The following TBC1D19 variants were observed in gnomAD, a reference collection of about 807,000 sequenced individuals.
TBC1D19 encodes TBC1 domain family member 19.
TBC1D19 carries 60 observed loss-of-function variants against 89.0 expected under a neutral mutation model. That is an observed-to-expected ratio of 0.67 (90% CI 0.55 to 0.84). The LOEUF is 0.84. Ranked by LOEUF, TBC1D19 falls within the 40% of genes least tolerant of loss-of-function variation. TBC1D19 has a pLI of 0.00. For synonymous variants in TBC1D19, 189 were observed against 199.7 expected (o/e 0.95, Z 0.45); for missense variants, 500 against 610.8 (o/e 0.82, Z 1.91).
At chr4:26,852,599 A>C in the TBC1D19 span, among the ~76,000 whole-genome samples, 1 of 152,012 alleles carries the variant, frequency 6.6e-6, no homozygotes, top group Admixed American at 6.6e-5. Context: ...CTACCTTCAG[A>C]ATTTACCAAG....
chr4:26,602,444 T>C (rs1329789760), intron 1 of TBC1D19, among the ~76,000 whole-genome samples: 1 of 138,610 alleles, frequency 7.2e-6, no homozygotes, highest in Non-Finnish European at 1.6e-5. Flanking sequence ...TCTTTTTTTT[T>C]TTTTTTTTTT....
At chr4:26,624,108 G>A (rs1742238338) in intron 4 of TBC1D19, among the ~76,000 whole-genome samples, 1 of 152,002 alleles carries the variant, frequency 6.6e-6, no homozygotes, top group African/African-American at 2.4e-5. Flanking sequence ...TCTTATAACT[G>A]TCCTATGTGC....
chr4:26,829,350 G>A, the TBC1D19 span, among the ~76,000 whole-genome samples: 1 of 152,166 alleles, frequency 6.6e-6, no homozygotes, highest in Non-Finnish European at 1.5e-5. Flanking sequence ...ACACATTTCA[G>A]ATTTAGAAGG....
At chr4:26,757,584 G>T (rs1272178268), downstream of TBC1D19, among the ~76,000 whole-genome samples, 3 of 152,164 alleles carry the variant, frequency 2.0e-5, no homozygotes, top group African/African-American at 7.2e-5. Context: ...TAATGGTTTT[G>T]TTGAGAATGC....
In TBC1D19 at chr4:26,748,460, G is replaced by A. The variant is rs1180771796; in HGVS notation, c.1369G>A (p.Ala457Thr). 1 of 1,613,868 alleles carries A rather than the reference G, an allele frequency of 6.2e-7. No homozygotes were observed. ...WMVRAFSGYLATDQLLLLWDR... is the reference protein window; with the variant it reads ...WMVRAFSGYLTTDQLLLLWDR... The stretch of plus-strand genomic sequence containing the variant: ...GGTTCGAGCTTTCTCTGGATACTTA[G>A]CTACAGATCAGCTCTTGCTTTTATG... Residue 457 changes from alanine (A) to threonine (T), a missense_variant, in exon 19 of 21, where the codon GCT becomes ACT. By Grantham distance (58) the Ala-to-Thr change is moderately conservative. Coordinates refer to ENST00000264866, the MANE Select transcript of TBC1D19 (RefSeq NM_018317.4).
chr4:26,607,766 G>C (rs1741103878), intron 1 of TBC1D19, among the ~76,000 whole-genome samples: 1 of 152,200 alleles, frequency 6.6e-6, no homozygotes, highest in African/African-American at 2.4e-5. Context: ...GGTGATCCCA[G>C]AATAGAACCT....
chr4:26,788,729 C>T, the TBC1D19 span, among the ~76,000 whole-genome samples: 1 of 152,170 alleles, frequency 6.6e-6, no homozygotes, highest in Non-Finnish European at 1.5e-5. Context: ...GTGCCACCAG[C>T]CCCTTCCCTC....
chr4:26,693,140 A>C (rs934670400), intron 13 of TBC1D19, among the ~76,000 whole-genome samples: 1 of 127,864 alleles, frequency 7.8e-6, no homozygotes, highest in Admixed American at 7.9e-5. Flanking sequence ...AAAAAAAAAA[A>C]CCCTGCTAAA....
At chr4:26,600,596 C>T (rs1740524312) in intron 1 of TBC1D19, among the ~76,000 whole-genome samples, 2 of 152,212 alleles carry the variant, frequency 1.3e-5, no homozygotes, top group South Asian at 4.2e-4. Flanking sequence ...TACTTTCAGG[C>T]ATAGAGTATA....
intron 10 of TBC1D19, 65 bp from the exon 11 acceptor site, chr4:26,673,711 G>A: frequency 5.0e-6 from 5 of 1,003,784 alleles, no homozygotes; most frequent in Non-Finnish European, 7.8e-6. Flanking sequence ...ATTTATAATT[G>A]AAGATTTCAG....
chr4:26,584,233 C>T lies in TBC1D19; in HGVS notation c.40C>T (p.Gln14Ter). The T allele has an allele frequency of 6.2e-7, 1 of 1,612,990 alleles. No individual in the cohort carries two copies. Among genetic ancestry groups the T allele is most frequent in the South Asian group, 1.1e-5 (1 of 90,516 alleles). The change falls in exon 1 of 21, where the codon CAG (glutamine) becomes TAG (stop). Residue 14 changes from glutamine (Q) to a stop codon, truncating the protein, a stop_gained. Coordinates refer to ENST00000264866, the MANE Select transcript of TBC1D19 (RefSeq NM_018317.4). LOFTEE classifies it high-confidence loss of function. Reference sequence around the variant, plus strand: ...GTCGGACCTCTCTCTCATTATTGCCCAGATAGTCCAAAAGCTCAAGGGCTC... The same window carrying T: ...GTCGGACCTCTCTCTCATTATTGCCTAGATAGTCCAAAAGCTCAAGGGCTC... ...EESDLSLIIA[Q>*]IVQKLKGSNL...
intron 13 of TBC1D19, among the ~76,000 whole-genome samples, chr4:26,695,640 T>A (rs532120772): frequency 2.6e-5 from 4 of 152,150 alleles, no homozygotes; most frequent in Non-Finnish European, 5.9e-5. Context: ...GGGAATCCCA[T>A]CAGCCTAACA....
intron 13 of TBC1D19, among the ~76,000 whole-genome samples, chr4:26,692,260 C>T (rs543360063): frequency 6.6e-6 from 1 of 152,256 alleles, no homozygotes; most frequent in Non-Finnish European, 1.5e-5. Context: ...ATTGCAGATG[C>T]TAAATTCTAG....
the TBC1D19 span, among the ~76,000 whole-genome samples, chr4:26,809,932 A>G: frequency 6.6e-6 from 1 of 152,198 alleles, no homozygotes; most frequent in Non-Finnish European, 1.5e-5. Flanking sequence ...GCAGACGCTG[A>G]GCCCCACTGC....
At chr4:26,728,749 C>T (rs550280659) in intron 15 of TBC1D19, among the ~76,000 whole-genome samples, 47 of 152,024 alleles carry the variant, frequency 3.1e-4, no homozygotes, top group Middle Eastern at 3.4e-3. Flanking sequence ...CGTGGTGGCT[C>T]ACGCCTGTAA....
intron 11 of TBC1D19, among the ~76,000 whole-genome samples, chr4:26,681,764 AAAG>A (rs1332118898): frequency 6.6e-6 from 1 of 152,208 alleles, no homozygotes; most frequent in African/African-American, 2.4e-5. Context: ...TAACTATTAA[AAAG>A]AATGAGTTAA....
At chr4:26,822,076 C>T in the TBC1D19 span, among the ~76,000 whole-genome samples, 3 of 152,220 alleles carry the variant, frequency 2.0e-5, no homozygotes, top group African/African-American at 4.8e-5. Flanking sequence ...TTTCTAATCA[C>T]GGAAACTTGA....
At chr4:26,605,416 G>C (rs1296147522) in intron 1 of TBC1D19, among the ~76,000 whole-genome samples, 4 of 151,656 alleles carry the variant, frequency 2.6e-5, no homozygotes, top group Non-Finnish European at 4.4e-5. Flanking sequence ...GTATTCCATG[G>C]TGTATATGTG....
chr4:26,592,303 A>T (rs918396926), intron 1 of TBC1D19, among the ~76,000 whole-genome samples: 7 of 152,044 alleles, frequency 4.6e-5, no homozygotes, highest in African/African-American at 1.7e-4. Flanking sequence ...CATGCTAAAA[A>T]CTCTCAATAA....
Sources: gnomAD v4.1 joint callset for allele counts (sites outside exome capture counted in the v4.1 genomes callset) on GRCh38, gnomAD v4.1.1 for gene constraint, MANE v1.5 for transcripts, NCBI Gene and HGNC (gene_info 2026-07-23, HGNC 2026-07-21) for gene names.